The following PAM16 variants were observed in gnomAD, a reference collection of about 807,000 sequenced individuals.
PAM16 encodes the protein presequence translocase associated motor 16, also known as mitochondrial import inner membrane translocase subunit TIM16.
PAM16 carries 11 observed loss-of-function variants against 17.9 expected under a neutral mutation model. The observed-to-expected ratio is 0.62, with a 90% CI of 0.39 to 1.02. The LOEUF (loss-of-function observed/expected upper bound fraction) is 1.02. Ranked by LOEUF, PAM16 falls within the 50% of genes least tolerant of loss-of-function variation. The pLI is 0.01. For synonymous variants in PAM16, 72 were observed against 67.4 expected, an observed-to-expected ratio of 1.07 and a Z score of -0.34; for missense variants, 199 against 165.4, an observed-to-expected ratio of 1.20 and a Z score of -1.11.
intron 1 of PAM16, among the ~76,000 whole-genome samples, chr16:4,350,298 G>A (rs2053828935): frequency 6.7e-6 from 1 of 148,962 alleles, no homozygotes; most frequent in Non-Finnish European, 1.5e-5. Context: ...TATATATTAT[G>A]TGTGTGTGTG....
chr16:4,346,730 A>T (rs1321783426), intron 1 of PAM16: 1 of 151,800 alleles, frequency 6.6e-6, no homozygotes, highest in Non-Finnish European at 1.5e-5. Context: ...TTTTTTATTT[A>T]TTTTTTTGAG....
chr16:4,340,313 G>A lies in PAM16; in HGVS notation c.*6C>T, dbSNP rs201350532. The A allele has an allele frequency of 1.4e-4, 221 of 1,609,640 alleles. No homozygotes were observed. Among genetic ancestry groups the A allele is most frequent in the Admixed American group, 4.7e-4 (28 of 59,938 alleles). On this transcript the variant is annotated 3_prime_UTR_variant, in exon 5 of 5. Transcript: ENST00000318059. Reference sequence around the variant, plus strand: ...GGCGGCGGGGTGGGCGGGGGGAGCCGAGCAGTCACGTATGGGGCATCTGCC... The same window carrying A: ...GGCGGCGGGGTGGGCGGGGGGAGCCAAGCAGTCACGTATGGGGCATCTGCC...
At chr16:4,341,077 G>A in intron 3 of PAM16, 92 bp from the exon 4 acceptor site, 2 of 1,486,170 alleles carry the variant, frequency 1.3e-6, no homozygotes, top group Non-Finnish European at 1.9e-6. Flanking sequence ...GAGGCAACAG[G>A]ACTCCTCTCC....
chr16:4,343,434 C>T lies in PAM16; in HGVS notation c.4-143G>A, dbSNP rs2053682708. The T allele has an allele frequency of 5.5e-6, 8 of 1,444,198 alleles. No homozygotes were observed. The Admixed American group carries it at 1.4e-4, about 25-fold the overall frequency. The allele number at this position is 1,444,198 out of a possible 1,614,324, so 89.5% of individuals were successfully genotyped here. Reference sequence around the variant, plus strand: ...AGCTGCAGCCCCAGGCCAACCCCTCCAAAGCACCCTGAATGAAAGCTTCCA... The same window carrying T: ...AGCTGCAGCCCCAGGCCAACCCCTCTAAAGCACCCTGAATGAAAGCTTCCA... On this transcript the variant is annotated intron_variant, in intron 1 of 4. Coordinates refer to ENST00000318059, the MANE Select transcript of PAM16 (RefSeq NM_016069.11).
chr16:4,341,557 TG>T, intron 2 of PAM16, 53 bp from the exon 3 acceptor site: 6 of 1,541,932 alleles, frequency 3.9e-6, no homozygotes, highest in Non-Finnish European at 5.2e-6. Context: ...CACTTCACCC[TG>T]GGCCTTCCGA....
chr16:4,343,100 G>C (rs2053674971), intron 2 of PAM16, 107 bp downstream of exon 2: 16 of 1,463,180 alleles, frequency 1.1e-5, no homozygotes, highest in Non-Finnish European at 1.5e-5. Context: ...AAGTGCCTCA[G>C]GCCACGCACA....
chr16:4,346,586 A>G (rs1185500686), intron 1 of PAM16: 1 of 152,254 alleles, frequency 6.6e-6, no homozygotes, highest in Non-Finnish European at 1.5e-5. Context: ...GGAGCTGGGA[A>G]GCAGCAAGGA....
chr16:4,343,094 G>T, intron 2 of PAM16, 113 bp downstream of exon 2: 3 of 1,392,100 alleles, frequency 2.2e-6, no homozygotes, highest in Admixed American at 1.9e-5. Context: ...CATGGGAAGT[G>T]CCTCAGGCCA....
At chr16:4,345,878 C>CAA (rs2053750439) in intron 1 of PAM16, 1 of 985,196 alleles carries the variant, frequency 1.0e-6, no homozygotes, top group African/African-American at 1.7e-5. Flanking sequence ...AGGTGAAAGT[C>CAA]AGAGGGTCCC....
At chr16:4,351,208 G>T (rs955316837) in intron 1 of PAM16, 24 bp downstream of exon 1, 2 of 1,384,936 alleles carry the variant, frequency 1.4e-6, no homozygotes, top group Non-Finnish European at 1.9e-6. Context: ...TCCCCTCCCC[G>T]GTAGCGCCCG....
rs932769524 is a variant in PAM16, at chr16:4,340,510, G to A, written c.292-105C>T. ...ATCAGCCCAGGTCCATTTTTTGAAG[G>A]GCAGTGGGTGGATACCAATGCTTCC... On this transcript the variant is annotated intron_variant, in intron 4 of 4. Coordinates refer to ENST00000318059, the MANE Select transcript of PAM16 (RefSeq NM_016069.11). The A allele has an allele frequency of 1.2e-5, 15 of 1,264,174 alleles. No individual in the cohort carries two copies. In the South Asian group the frequency reaches 1.9e-4, roughly 16 times the overall value. The allele number at this position is 1,264,174 out of a possible 1,614,324, so 78.3% of individuals were successfully genotyped here. A position where few individuals can be genotyped will look rare whatever the true frequency, so the allele number is the denominator to read the frequency against.
At chr16:4,350,074 A>T (rs2053824025) in intron 1 of PAM16, among the ~76,000 whole-genome samples, 1 of 152,110 alleles carries the variant, frequency 6.6e-6, no homozygotes, top group Admixed American at 6.6e-5. Flanking sequence ...TTACGTGTGC[A>T]GAACCTCCAG....
rs150686642 is a variant in PAM16 at position 4,345,078 on chromosome 16, G to A, written c.4-1787C>T. ...TGCACAGATCTTTGTGAAACAAAGC[G>A]ATTATATATAGACAGCACATACAAA... is the stretch of plus-strand genomic sequence containing the variant. On this transcript the variant is annotated intron_variant, in intron 1 of 4. Transcript: ENST00000318059. Among the ~76,000 whole-genome samples, 113 of 152,166 alleles carry A rather than the reference G, an allele frequency of 7.4e-4. 1 individual carries two copies. The East Asian group carries it at 0.02, about 28-fold the overall frequency.
intron 1 of PAM16, among the ~76,000 whole-genome samples, chr16:4,349,263 CT>C (rs2053809586): frequency 6.6e-6 from 1 of 151,626 alleles, no homozygotes; most frequent in African/African-American, 2.4e-5. Context: ...CCAGCACTTT[CT>C]TTTCCTGTTA....
rs757573600 is a variant in PAM16, at chr16:4,351,267, G to A, written c.-33C>T. 4 of 1,461,336 alleles carry A rather than the reference G, an allele frequency of 2.7e-6. No homozygotes were observed. The highest frequency in any genetic ancestry group is 2.7e-5 in the East Asian group (1 of 36,806). 90.5% of individuals were successfully genotyped at this position (1,461,336 alleles called of 1,614,324 possible). A position where few individuals can be genotyped will look rare whatever the true frequency, so the allele number is the denominator to read the frequency against. ...GCTCTGCCTCCGGGGCTCAAACTCC[G>A]ACTTCCTGGCCCCGCGGCCGGGGAT... On this transcript the variant is annotated 5_prime_UTR_variant, in exon 1 of 5. Transcript: ENST00000318059.
chr16:4,345,004 C>T (rs1236048086), intron 1 of PAM16, among the ~76,000 whole-genome samples: 2 of 152,052 alleles, frequency 1.3e-5, no homozygotes, highest in Non-Finnish European at 2.9e-5. Flanking sequence ...AGCCAATAGC[C>T]TAGGCTGGCC....
intron 1 of PAM16, among the ~76,000 whole-genome samples, chr16:4,349,317 C>T (rs1025741722): frequency 6.6e-5 from 10 of 152,110 alleles, no homozygotes; most frequent in Non-Finnish European, 1.3e-4. Flanking sequence ...CCTATAATCC[C>T]AGCACTTTGG....
rs1449491987 is a variant in PAM16 at position 4,340,944 on chromosome 16, A to G, written c.267T>C (p.Gly89=). The G allele has an allele frequency of 1.5e-5, 24 of 1,613,562 alleles. No individual in the cohort carries two copies. Among genetic ancestry groups the G allele is most frequent in the Middle Eastern group, 3.3e-4 (2 of 6,082 alleles). The part of the protein sequence containing the change: ...HLFKVNDKSV[G]GSFYLQSKVV... ...CCTTTGACTGCAGGTAGAAGGAGCC[A>G]CCCACGGATTTATCATTCACCTTAA... Residue 89 remains glycine (G), a synonymous_variant, in exon 4 of 5, where the codon GGT becomes GGC. Transcript: ENST00000318059.
intron 2 of PAM16, 54 bp from the exon 3 acceptor site, chr16:4,341,558 G>A (rs570491279): frequency 2.6e-6 from 4 of 1,540,058 alleles, no homozygotes; most frequent in East Asian, 2.4e-5. Flanking sequence ...ACTTCACCCT[G>A]GGCCTTCCGA....
Sources: allele counts gnomAD v4.1 joint callset (sites outside exome capture counted in the v4.1 genomes callset), GRCh38; gene constraint gnomAD v4.1.1; transcripts MANE v1.5; gene names NCBI Gene and HGNC (gene_info 2026-07-23, HGNC 2026-07-21).